AMZ1: variants seen among roughly 807,000 people sequenced by gnomAD.
AMZ1 encodes archaemetzincin-1.
AMZ1 carries 39 observed loss-of-function variants against 29.9 expected under a neutral mutation model. The observed-to-expected ratio is 1.30, with a 90% confidence interval of 1.01 to 1.70. The LOEUF is 1.70. Among genes scored for constraint, AMZ1 ranks in the 40% most tolerant of loss-of-function variants. AMZ1 has a pLI of 0.00. For missense variants in AMZ1, 1,041 were observed against 680.6 expected (o/e 1.53, Z -5.89); for synonymous variants, 458 against 304.0 (o/e 1.51, Z -5.27).
Position 2,712,949 on chromosome 7 carries a change from T to C in AMZ1, c.*71T>C, listed in dbSNP as rs1429567452. The C allele has an allele frequency of 2.1e-6, 3 of 1,422,270 alleles. No homozygotes were observed. The Admixed American group carries it at 8.3e-5, about 39-fold the overall frequency. 88.1% of individuals were successfully genotyped at this position (1,422,270 alleles called of 1,614,324 possible). ...AGCACTGTCCAGTAGCTGAGGCCAC[T>C]ACTGACCTGCCAGGGATAAAGAGGA... is the stretch of plus-strand genomic sequence containing the variant. On this transcript the variant is annotated 3_prime_UTR_variant, in exon 7 of 7. Coordinates refer to ENST00000683327, the MANE Select transcript of AMZ1 (RefSeq NM_001384743.1).
chr7:2,683,419 T>TTTTG (rs199500144), upstream of AMZ1, among the ~76,000 whole-genome samples: 29 of 151,868 alleles, frequency 1.9e-4, no homozygotes, highest in South Asian at 8.3e-4. Flanking sequence ...CTTTCTGTTT[T>TTTTG]TTTGTTTGTT....
chr7:2,691,492 C>T (rs1787383366), intron 1 of AMZ1, among the ~76,000 whole-genome samples: 1 of 148,758 alleles, frequency 6.7e-6, no homozygotes, highest in Non-Finnish European at 1.5e-5. Flanking sequence ...CATATAATCC[C>T]AGCACTTCGG....
chr7:2,759,128 A>C (rs756323018), intron 4 of AMZ1, among the ~76,000 whole-genome samples: 16 of 151,538 alleles, frequency 1.1e-4, no homozygotes, highest in South Asian at 2.1e-4. Flanking sequence ...CCACAGAGCA[A>C]AACACTGTCT....
At chr7:2,708,787 G>C in intron 4 of AMZ1, 71 bp downstream of exon 4, 1 of 1,602,968 alleles carries the variant, frequency 6.2e-7, no homozygotes, top group Non-Finnish European at 8.5e-7. Context: ...GTGGCTGCAG[G>C]GCACCCTCTT....
At chr7:2,710,497 C>T (rs550153772) in intron 6 of AMZ1, among the ~76,000 whole-genome samples, 13 of 152,360 alleles carry the variant, frequency 8.5e-5, no homozygotes, top group Admixed American at 6.5e-4. Flanking sequence ...CCTCCTCCCG[C>T]CCGTTGAGGC....
intron 4 of AMZ1, among the ~76,000 whole-genome samples, chr7:2,748,507 A>C (rs2115352920): frequency 6.6e-6 from 1 of 152,258 alleles, no homozygotes. Context: ...ACAAAAATTA[A>C]TTCAAGATGG....
intron 1 of AMZ1, among the ~76,000 whole-genome samples, chr7:2,689,370 T>TGGGA (rs1554244931): frequency 6.7e-6 from 1 of 149,566 alleles, no homozygotes; most frequent in Non-Finnish European, 1.5e-5. Context: ...AGAACCTCCC[T>TGGGA]GGGGGGGGGA....
At position 2,712,422 on chromosome 7, in the gene AMZ1, C is replaced by A; in HGVS notation, c.1041C>A (p.Ser347Arg). The A allele has an allele frequency of 6.2e-7, 1 of 1,611,846 alleles. No homozygotes were observed. The highest frequency in any genetic ancestry group is 8.5e-7 in the Non-Finnish European group (1 of 1,179,634). Reference protein sequence around the residue: ...PSVWEDTPPASADSGMCCESD... With the variant: ...PSVWEDTPPARADSGMCCESD... Reference sequence around the variant, plus strand: ...TGTGGGAGGACACCCCGCCTGCCAGCGCCGACTCGGGCATGTGCTGTGAGA... The same window carrying A: ...TGTGGGAGGACACCCCGCCTGCCAGAGCCGACTCGGGCATGTGCTGTGAGA... Residue 347 changes from serine to arginine, a missense_variant, in exon 7 of 7, where the codon AGC (serine) becomes AGA (arginine). Transcript: ENST00000683327.
upstream of AMZ1, chr7:2,762,579 T>C (rs758679903): frequency 3.3e-5 from 49 of 1,480,388 alleles, no homozygotes; most frequent in Non-Finnish European, 4.2e-5. Flanking sequence ...TCCTGAAAAT[T>C]ACATTTACAA....
intron 4 of AMZ1, among the ~76,000 whole-genome samples, chr7:2,726,766 G>A (rs968429853): frequency 1.1e-4 from 17 of 152,368 alleles, no homozygotes; most frequent in African/African-American, 4.1e-4. Context: ...CGAAGAGCAA[G>A]TTATGGTGGA....
downstream of AMZ1, among the ~76,000 whole-genome samples, chr7:2,723,795 C>G (rs1404297637): frequency 6.6e-6 from 1 of 152,234 alleles, no homozygotes; most frequent in Non-Finnish European, 1.5e-5. Flanking sequence ...GAGCTAGTAC[C>G]AGAGAGCCCC....
At chr7:2,739,149 G>C (rs1319769137) in intron 4 of AMZ1, among the ~76,000 whole-genome samples, 2 of 152,204 alleles carry the variant, frequency 1.3e-5, no homozygotes, top group South Asian at 2.1e-4. Context: ...CCTTGCCTGG[G>C]TTCTTCCTTT....
intron 4 of AMZ1, 70 bp from the exon 5 acceptor site, chr7:2,709,004 TG>T: frequency 2.0e-6 from 3 of 1,481,490 alleles, no homozygotes; most frequent in Non-Finnish European, 2.7e-6. Context: ...GAGCATGAGG[TG>T]GGTTTGACGG....
At position 2,714,435 on chromosome 7, in the gene AMZ1, T is replaced by G. The variant is rs1788999540; in HGVS notation, c.*1557T>G. On this transcript the variant is annotated 3_prime_UTR_variant, in exon 7 of 7. Transcript: ENST00000683327. ...GAGAAGCAAAGATGCAGCTCAGAAG[T>G]AGCATTAGGATCTTCGTCCCGTTCT... 6.6e-6 allele frequency: 1 copy of G among 152,316 alleles called. No homozygotes were observed. Among genetic ancestry groups the G allele is most frequent in the Non-Finnish European group, 1.5e-5 (1 of 68,036 alleles). The allele number at this position is 152,316 out of a possible 1,614,324, so 9.4% of individuals were successfully genotyped here.
chr7:2,737,860 G>A (rs1790287591), intron 4 of AMZ1, among the ~76,000 whole-genome samples: 1 of 152,108 alleles, frequency 6.6e-6, no homozygotes, highest in Admixed American at 6.5e-5. Flanking sequence ...GAATAGAGAC[G>A]CTAGCCAAAC....
chr7:2,697,014 G>A (rs79309273), intron 1 of AMZ1, among the ~76,000 whole-genome samples: 53 of 152,292 alleles, frequency 3.5e-4, no homozygotes, highest in African/African-American at 1.3e-3. Flanking sequence ...TTCCCTTCTA[G>A]GAGTCCATCT....
intron 4 of AMZ1, among the ~76,000 whole-genome samples, chr7:2,741,682 GCT>G (rs898068494): frequency 2.0e-5 from 3 of 151,864 alleles, no homozygotes; most frequent in African/African-American, 7.3e-5. Flanking sequence ...TCCTTCGCTC[GCT>G]CTCTTTCAAT....
intron 4 of AMZ1, among the ~76,000 whole-genome samples, chr7:2,745,678 T>C (rs537249925): frequency 0.011 from 1,677 of 152,232 alleles, 34 homozygotes; most frequent in African/African-American, 0.038. Flanking sequence ...AATATTAACT[T>C]TGAATGTAAA....
chr7:2,753,802 TG>T (rs1364629996), intron 4 of AMZ1, among the ~76,000 whole-genome samples: 5 of 152,196 alleles, frequency 3.3e-5, no homozygotes, highest in Admixed American at 6.5e-5. Flanking sequence ...CATAAGTTTT[TG>T]TTTCTTCAGT....
Sources: allele counts gnomAD v4.1 joint callset (sites outside exome capture counted in the v4.1 genomes callset), GRCh38; gene constraint gnomAD v4.1.1; transcripts MANE v1.5; gene names NCBI Gene and HGNC (gene_info 2026-07-23, HGNC 2026-07-21).